STAT5B: variants seen among roughly 807,000 people sequenced by gnomAD.
STAT5B encodes the protein transcription factor STAT5B.
A neutral mutation model predicts 107.8 loss-of-function variants in STAT5B; 21 were observed. The observed-to-expected ratio is 0.19, with a 90% CI of 0.14 to 0.28. The LOEUF (loss-of-function observed/expected upper bound fraction) is 0.28, where lower values mean the gene tolerates loss of function less well. Among genes scored for constraint, STAT5B ranks in the 10% least tolerant of loss-of-function variants. The pLI, the probability that STAT5B is intolerant of heterozygous loss-of-function variation, is 1.00. For synonymous variants in STAT5B, 325 were observed against 401.7 expected (o/e 0.81, Z 2.28); for missense variants, 565 against 1,008.2 (o/e 0.56, Z 5.95).
intron 1 of STAT5B, among the ~76,000 whole-genome samples, chr17:42,232,735 G>C (rs552208357): frequency 6.6e-6 from 1 of 151,984 alleles, no homozygotes; most frequent in African/African-American, 2.4e-5. Flanking sequence ...GGAGAATTAG[G>C]GAAAGAATTG....
chr17:42,217,509 C>T (rs777433966), intron 9 of STAT5B, 45 bp from the exon 10 acceptor site: 1 of 1,605,556 alleles, frequency 6.2e-7, no homozygotes, highest in Non-Finnish European at 8.5e-7. Context: ...GCCAGGGTCT[C>T]AGGACATGCG....
intron 3 of STAT5B, among the ~76,000 whole-genome samples, chr17:42,226,598 G>A (rs541395995): frequency 4.0e-5 from 6 of 150,392 alleles, no homozygotes; most frequent in African/African-American, 4.9e-5. Context: ...ACCTGAGGTC[G>A]GGAGTTCGAA....
At chr17:42,207,089 T>C (rs545853096) in intron 16 of STAT5B, among the ~76,000 whole-genome samples, 1 of 152,218 alleles carries the variant, frequency 6.6e-6, no homozygotes, top group African/African-American at 2.4e-5. Context: ...GCCAGGCTGG[T>C]CTGGAACTCC....
chr17:42,249,997 T>C lies in STAT5B; in HGVS notation c.-10-17860A>G, dbSNP rs546444617. Among the ~76,000 whole-genome samples the C allele has an allele frequency of 2.6e-5, 4 of 152,296 alleles. No individual in the cohort carries two copies. In the East Asian group the frequency reaches 5.8e-4, roughly 22 times the overall value. On this transcript the variant is annotated intron_variant, in intron 1 of 18. Coordinates refer to ENST00000293328, the MANE Select transcript of STAT5B (RefSeq NM_012448.4). Reference sequence around the variant, plus strand: ...TAAATTAAGAGAGTGTTAAACTACATGAAAGCCTACGCATTCAATCTTCCC... The same window carrying C: ...TAAATTAAGAGAGTGTTAAACTACACGAAAGCCTACGCATTCAATCTTCCC...
chr17:42,259,098 C>A (rs776681675), intron 1 of STAT5B, among the ~76,000 whole-genome samples: 3 of 152,112 alleles, frequency 2.0e-5, no homozygotes, highest in Admixed American at 6.5e-5. Flanking sequence ...ACAAAAATAA[C>A]AAAACACCCT....
chr17:42,285,097 T>G, the STAT5B span, among the ~76,000 whole-genome samples: 10 of 151,984 alleles, frequency 6.6e-5, no homozygotes, highest in Non-Finnish European at 4.4e-5. Flanking sequence ...TTTTTTCTTT[T>G]CTTTTTTTTT....
chr17:42,224,725 G>T, intron 4 of STAT5B, 54 bp downstream of exon 4: 1 of 1,575,124 alleles, frequency 6.3e-7, no homozygotes, highest in South Asian at 1.1e-5. Flanking sequence ...TCCAGAGGGA[G>T]GTGGGTAAGA....
intron 1 of STAT5B, among the ~76,000 whole-genome samples, chr17:42,265,573 G>T (rs1375500304): frequency 6.6e-6 from 1 of 151,806 alleles, no homozygotes; most frequent in African/African-American, 2.4e-5. Context: ...GGATGGTCTT[G>T]AACTCCTGAC....
chr17:42,274,470 G>A (rs1214730423), intron 1 of STAT5B, among the ~76,000 whole-genome samples: 4 of 152,176 alleles, frequency 2.6e-5, no homozygotes, highest in Admixed American at 2.0e-4. Flanking sequence ...CACATAGGAA[G>A]TTTTTCTTAA....
At chr17:42,262,591 AT>A (rs1012383466) in intron 1 of STAT5B, among the ~76,000 whole-genome samples, 3 of 151,854 alleles carry the variant, frequency 2.0e-5, no homozygotes, top group African/African-American at 4.8e-5. Flanking sequence ...AGAAAAAGAA[AT>A]CCATAGCCTA....
At position 42,276,323 on chromosome 17, in the gene STAT5B, C is replaced by G. The variant is rs918886727; in HGVS notation, c.-86G>C. On this transcript the variant is annotated 5_prime_UTR_variant, in exon 1 of 19. Coordinates refer to ENST00000293328, the MANE Select transcript of STAT5B (RefSeq NM_012448.4). This position sits in a 1 kb window ranked among gnomAD's most constrained non-coding sequence, Gnocchi z 4.8. ...TTGCCCGCCCGCCCGCTCGCTCCCT[C>G]CCTCGGCCGGGCCGCCGCGCGGAGT... The G allele has an allele frequency of 3.4e-5, 5 of 147,136 alleles. No homozygotes were observed. Among genetic ancestry groups the G allele is most frequent in the African/African-American group, 1.2e-4 (5 of 40,864 alleles). 9.1% of individuals were successfully genotyped at this position (147,136 alleles called of 1,614,324 possible). A position where few individuals can be genotyped will look rare whatever the true frequency, so the allele number is the denominator to read the frequency against.
intron 3 of STAT5B, among the ~76,000 whole-genome samples, chr17:42,225,379 G>T (rs574822210): frequency 1.3e-5 from 2 of 152,050 alleles, no homozygotes; most frequent in African/African-American, 4.8e-5. Flanking sequence ...TCTTAAAAAC[G>T]GAATAAATAA....
intron 4 of STAT5B, among the ~76,000 whole-genome samples, 154 bp from the exon 5 acceptor site, chr17:42,223,710 G>C (rs1162112560): frequency 6.6e-6 from 1 of 152,082 alleles, no homozygotes; most frequent in Non-Finnish European, 1.5e-5. Context: ...TGAGACACAG[G>C]GTGGAGTGGG....
Position 42,233,128 on chromosome 17 carries a change from CG to C in STAT5B, c.-10-992del, listed in dbSNP as rs551935021. 1.6e-3 allele frequency among the ~76,000 whole-genome samples: 238 copies of C among 152,174 alleles called. 2 individuals are homozygous for C. The highest frequency in any genetic ancestry group is 0.014 in the Middle Eastern group (4 of 294). On this transcript the variant is annotated intron_variant, in intron 1 of 18. Coordinates refer to ENST00000293328, the MANE Select transcript of STAT5B (RefSeq NM_012448.4). ...CTGGGGTTATAGGTGTGAGCCACTG[CG>C]CCCAGCTGAGAGATTTTTTTTAAAA...
chr17:42,260,917 C>CTTTTTTTTTTTTT (rs11402155), intron 1 of STAT5B, among the ~76,000 whole-genome samples: 1 of 141,918 alleles, frequency 7.0e-6, no homozygotes, highest in Non-Finnish European at 1.5e-5. Flanking sequence ...TATGTCTTAC[C>CTTTTTTTTTTTTT]TTTTTTTTTT....
Position 42,212,187 on chromosome 17 carries a change from T to G in STAT5B, c.1477A>C (p.Arg493=). 2 of 1,614,152 alleles carry G rather than the reference T, an allele frequency of 1.2e-6. No individual in the cohort carries two copies. Among genetic ancestry groups the G allele is most frequent in the Non-Finnish European group, 1.7e-6 (2 of 1,180,028 alleles). ...TTGTCAGGCACGGCAAATGGCACCC[T>G]GCCCTGAGAGGGAGAGAGGCCAGAA... ...LWDNAFAEPG[R]VPFAVPDKVL... is the part of the protein sequence containing the mutation. The change falls in exon 13 of 19, where the codon AGG becomes CGG. Residue 493 remains arginine, a synonymous_variant. Transcript: ENST00000293328.
intron 3 of STAT5B, among the ~76,000 whole-genome samples, chr17:42,227,247 G>A (rs1367694160): frequency 6.6e-6 from 1 of 151,602 alleles, no homozygotes; most frequent in Admixed American, 6.6e-5. Flanking sequence ...TGAAAAACGT[G>A]TGTGTCGAGA....
intron 3 of STAT5B, 68 bp downstream of exon 3, chr17:42,227,461 G>A: frequency 6.2e-7 from 1 of 1,606,166 alleles, no homozygotes; most frequent in Non-Finnish European, 8.5e-7. Flanking sequence ...AGGAGAGAAA[G>A]AAAGTCTCTA....
At chr17:42,281,003 G>A (rs986184272), upstream of STAT5B, among the ~76,000 whole-genome samples, 4 of 151,908 alleles carry the variant, frequency 2.6e-5, no homozygotes, top group East Asian at 3.9e-4. Flanking sequence ...GCGTGGTGGC[G>A]GGCGCCTGTA....
Sources: gnomAD v4.1 joint callset for allele counts (sites outside exome capture counted in the v4.1 genomes callset) on GRCh38, gnomAD v4.1.1 for gene constraint, Gnocchi (gnomAD v3.1) non-coding constraint, MANE v1.5 for transcripts, NCBI Gene and HGNC (gene_info 2026-07-23, HGNC 2026-07-21) for gene names.